Variants in FGF13 observed in about 807,000 individuals in gnomAD.
The protein encoded by FGF13 is fibroblast growth factor 13, also known as fibroblast growth factor homologous factor 2.
Under a neutral mutation model 19.5 loss-of-function variants are expected in FGF13, and 2 were observed. That is an observed-to-expected ratio of 0.10 (90% CI 0.04 to 0.32). The LOEUF is 0.32. Ranked by LOEUF, FGF13 falls within the 10% of genes least tolerant of loss-of-function variation. The probability of loss-of-function intolerance (pLI) is 1.00; values close to 1 mark genes in which losing one functional copy is unlikely to be tolerated. For synonymous variants in FGF13, 72 were observed against 76.9 expected (o/e 0.94, Z 0.33); for missense variants, 113 against 192.7 (o/e 0.59, Z 2.45).
intron 1 of FGF13, among the ~76,000 whole-genome samples, chrX:139,140,104 C>A (rs757214617): frequency 9.0e-6 from 1 of 111,508 alleles, no homozygotes; most frequent in South Asian, 3.8e-4. Context: ...TCTTCCTCCT[C>A]ATTAACCTTT....
intron 1 of FGF13, among the ~76,000 whole-genome samples, chrX:139,065,481 C>CAAAAAAAAAAA (rs767805587): frequency 3.7e-3 from 112 of 30,148 alleles, no homozygotes; most frequent in East Asian, 9.5e-3. Flanking sequence ...AAACGGAAAG[C>CAAAAAAAAAAA]AAAAAAAAAA....
intron 1 of FGF13, among the ~76,000 whole-genome samples, chrX:139,017,065 T>C (rs1373740985): frequency 2.5e-5 from 2 of 79,672 alleles, no homozygotes; most frequent in African/African-American, 4.4e-5. Context: ...TATACAAACA[T>C]ACACATATAC....
At chrX:138,958,683 G>C (rs1174905561) in intron 1 of FGF13, among the ~76,000 whole-genome samples, 1 of 111,552 alleles carries the variant, frequency 9.0e-6, no homozygotes, top group Non-Finnish European at 1.9e-5. Flanking sequence ...CTATTAATTA[G>C]TGCCTCAATT....
At chrX:139,201,296 A>C in intron 1 of FGF13, among the ~76,000 whole-genome samples, 2 of 112,127 alleles carry the variant, frequency 1.8e-5, no homozygotes, top group Middle Eastern at 4.6e-3. Context: ...GCACAAAATA[A>C]TTTACTGGAA....
At chrX:139,070,986 G>A (rs192418642) in intron 1 of FGF13, among the ~76,000 whole-genome samples, 25 of 108,978 alleles carry the variant, frequency 2.3e-4, no homozygotes, top group African/African-American at 6.2e-4. Context: ...GAGGCCTACT[G>A]GGGGGTGGAG....
chrX:139,097,526 C>G (rs1012438123), intron 1 of FGF13, among the ~76,000 whole-genome samples: 4 of 107,115 alleles, frequency 3.7e-5, no homozygotes, highest in Non-Finnish European at 7.7e-5. Context: ...TACACATGTA[C>G]TCCCTGAATT....
chrX:138,629,967 C>T lies in FGF13; in HGVS notation c.*2883G>A, dbSNP rs1602631946. Reference sequence around the variant, plus strand: ...TTCTTTCATCAGTTATGTGGCAGGACTAGTATTTTCTGCCAGGAGGAATGC... The same window carrying T: ...TTCTTTCATCAGTTATGTGGCAGGATTAGTATTTTCTGCCAGGAGGAATGC... On this transcript the variant is annotated 3_prime_UTR_variant, in exon 5 of 5. Coordinates refer to ENST00000315930, the MANE Select transcript of FGF13 (RefSeq NM_004114.5). The T allele has an allele frequency of 1.8e-5, 2 of 110,798 alleles. No individual in the cohort carries two copies. The highest frequency in any genetic ancestry group is 6.6e-5 in the African/African-American group (2 of 30,445). The allele number at this position is 110,798 out of a possible 1,213,427, so 9.1% of individuals were successfully genotyped here.
intron 3 of FGF13, among the ~76,000 whole-genome samples, chrX:138,778,753 A>G (rs1208145826): frequency 1.8e-5 from 2 of 112,498 alleles, no homozygotes; most frequent in Admixed American, 9.3e-5. Flanking sequence ...GGCGCCCGCC[A>G]TTGCCCAGGC....
intron 3 of FGF13, among the ~76,000 whole-genome samples, chrX:138,750,299 G>T (rs2090388912): frequency 8.9e-6 from 1 of 111,888 alleles, no homozygotes. Flanking sequence ...ACAGTTGTTG[G>T]CTATTAGAGC....
chrX:138,795,012 C>A lies in FGF13; in HGVS notation c.217+62500G>T, dbSNP rs777802707. 2.7e-5 allele frequency among the ~76,000 whole-genome samples: 3 copies of A among 112,041 alleles called. No homozygotes were observed. The East Asian group carries it at 8.4e-4, about 32-fold the overall frequency. ...CAATCCAAGTGAGGTTTTATTCATT[C>A]TGTTGGGAGTTCTCTTTATAACTAC... is the stretch of plus-strand genomic sequence containing the variant. On this transcript the variant is annotated intron_variant, in intron 3 of 6. Coordinates refer to the FGF13 transcript ENST00000436198.
At chrX:138,951,905 C>G (rs1052268638) in intron 1 of FGF13, among the ~76,000 whole-genome samples, 1 of 110,998 alleles carries the variant, frequency 9.0e-6, no homozygotes, top group African/African-American at 3.3e-5. Flanking sequence ...AAATGACAAA[C>G]CACTGCTCAA....
At chrX:138,677,556 C>T (rs1214588466) in intron 3 of FGF13, among the ~76,000 whole-genome samples, 2 of 111,070 alleles carry the variant, frequency 1.8e-5, no homozygotes, top group African/African-American at 6.5e-5. Flanking sequence ...GACATTTATG[C>T]AGCCAAAAAA....
At chrX:138,794,206 A>T in intron 3 of FGF13, among the ~76,000 whole-genome samples, 1 of 112,009 alleles carries the variant, frequency 8.9e-6, no homozygotes, top group Non-Finnish European at 1.9e-5. Flanking sequence ...TTACGATAAA[A>T]TTGTTTGGGT....
intron 2 of FGF13, among the ~76,000 whole-genome samples, chrX:138,859,768 C>A (rs2091278857): frequency 8.9e-6 from 1 of 112,218 alleles, no homozygotes; most frequent in Admixed American, 9.5e-5. Flanking sequence ...CAAGTGCTAA[C>A]CCCAAAATTC....
intron 1 of FGF13, among the ~76,000 whole-genome samples, chrX:139,080,562 C>T (rs904999259): frequency 5.4e-5 from 6 of 111,320 alleles, no homozygotes. Flanking sequence ...TGAGTTAAGT[C>T]CAACCCTTTG....
chrX:138,699,128 GATC>G lies in FGF13; in HGVS notation c.402+3853_402+3855del, dbSNP rs2089923289. 2.7e-5 allele frequency among the ~76,000 whole-genome samples: 3 copies of G among 111,302 alleles called. No homozygotes were observed. In the Admixed American group the frequency reaches 2.9e-4, roughly 11 times the overall value. On this transcript the variant is annotated intron_variant, in intron 3 of 4. Transcript: ENST00000315930. ...TATTCTACTTTAATGGAAAAATGCAGATCATCTGGTAGAAAATTCTTCTACTTC... is the reference window on the plus strand; with the variant it reads ...TATTCTACTTTAATGGAAAAATGCAGATCTGGTAGAAAATTCTTCTACTTC...
At chrX:138,806,815 A>C (rs1247328472) in intron 3 of FGF13, 1 of 111,646 alleles carries the variant, frequency 9.0e-6, no homozygotes, top group African/African-American at 3.3e-5. Context: ...TAGATCACTC[A>C]GGAGAGATAG....
chrX:139,152,077 A>G (rs755276370), intron 1 of FGF13, among the ~76,000 whole-genome samples: 2 of 111,546 alleles, frequency 1.8e-5, no homozygotes, highest in South Asian at 7.6e-4. Flanking sequence ...ATGAGAGCTA[A>G]CTGTAACACC....
At chrX:138,693,597 T>G (rs1450368787) in intron 3 of FGF13, among the ~76,000 whole-genome samples, 1 of 111,968 alleles carries the variant, frequency 8.9e-6, no homozygotes, top group East Asian at 2.8e-4. Context: ...ACTAAATGAT[T>G]CATCAAAAAA....
Sources: gnomAD v4.1 joint callset for allele counts (sites outside exome capture counted in the v4.1 genomes callset) on GRCh38, gnomAD v4.1.1 for gene constraint, MANE v1.5 for transcripts, NCBI Gene and HGNC (gene_info 2026-07-23, HGNC 2026-07-21) for gene names.